CDH12: variants seen among roughly 807,000 people sequenced by gnomAD.
CDH12 encodes cadherin 12.
CDH12 carries 41 observed loss-of-function variants against 74.1 expected under a neutral mutation model. That is an observed-to-expected ratio of 0.55 (90% CI 0.43 to 0.72). The LOEUF (loss-of-function observed/expected upper bound fraction) is 0.72. Ranked by LOEUF, CDH12 falls within the 30% of genes least tolerant of loss-of-function variation. The pLI is 0.00. For synonymous variants in CDH12, 399 were observed against 355.0 expected, an observed-to-expected ratio of 1.12 and a Z score of -1.39; for missense variants, 945 against 977.2, an observed-to-expected ratio of 0.97 and a Z score of 0.44.
chr5:22,819,068 C>A (rs1749537228), intron 1 of CDH12, among the ~76,000 whole-genome samples: 1 of 152,214 alleles, frequency 6.6e-6, no homozygotes, highest in Non-Finnish European at 1.5e-5. Context: ...ATTAAAAAAT[C>A]TGAAAAATGA....
chr5:22,628,558 A>G (rs1738417361), intron 1 of CDH12, among the ~76,000 whole-genome samples: 1 of 152,176 alleles, frequency 6.6e-6, no homozygotes, highest in South Asian at 2.1e-4. Context: ...AATGACAACA[A>G]AGACACAACA....
At chr5:21,809,832 G>C (rs1747650119) in intron 9 of CDH12, among the ~76,000 whole-genome samples, 1 of 152,066 alleles carries the variant, frequency 6.6e-6, no homozygotes, top group Non-Finnish European at 1.5e-5. Flanking sequence ...GGAATGAGTT[G>C]TATTTTCAAT....
intron 1 of CDH12, among the ~76,000 whole-genome samples, chr5:22,620,906 G>A (rs1172006138): frequency 6.6e-6 from 1 of 152,156 alleles, no homozygotes; most frequent in Non-Finnish European, 1.5e-5. Flanking sequence ...CAAATGAAAT[G>A]CATTCATTTC....
chr5:22,571,933 A>T (rs548348255), intron 1 of CDH12, among the ~76,000 whole-genome samples: 4 of 152,306 alleles, frequency 2.6e-5, no homozygotes, highest in South Asian at 2.1e-4. Flanking sequence ...AATAGTATTT[A>T]AAAAGTTTGA....
intron 1 of CDH12, among the ~76,000 whole-genome samples, chr5:22,840,826 A>G (rs2126521725): frequency 1.3e-5 from 2 of 152,310 alleles, no homozygotes. Flanking sequence ...AGGGGGATTC[A>G]AACAGAGGCT....
intron 1 of CDH12, among the ~76,000 whole-genome samples, chr5:22,572,320 G>T (rs1739581772): frequency 6.6e-6 from 1 of 151,952 alleles, no homozygotes; most frequent in Admixed American, 6.6e-5. Flanking sequence ...GACTACTGGT[G>T]GGTCAATATT....
At chr5:22,531,344 C>A (rs1737574676) in intron 1 of CDH12, among the ~76,000 whole-genome samples, 1 of 152,060 alleles carries the variant, frequency 6.6e-6, no homozygotes, top group African/African-American at 2.4e-5. Flanking sequence ...TCAGTGTTTT[C>A]CATGTTATGG....
chr5:22,202,001 T>C (rs1410582310), intron 4 of CDH12, among the ~76,000 whole-genome samples: 2 of 152,078 alleles, frequency 1.3e-5, no homozygotes, highest in South Asian at 2.1e-4. Context: ...ATTCCTAACT[T>C]GACACATTGG....
At chr5:22,225,334 G>A (rs1236200940) in intron 3 of CDH12, among the ~76,000 whole-genome samples, 1 of 152,050 alleles carries the variant, frequency 6.6e-6, no homozygotes, top group Non-Finnish European at 1.5e-5. Flanking sequence ...TTTGTATTCA[G>A]ATATAAAGGG....
At chr5:21,839,967 A>AAC (rs1749749169) in intron 8 of CDH12, among the ~76,000 whole-genome samples, 1 of 152,184 alleles carries the variant, frequency 6.6e-6, no homozygotes, top group South Asian at 2.1e-4. Flanking sequence ...TTCAACAAGA[A>AAC]ACACAGAGTT....
At chr5:22,125,610 T>C (rs1745811053) in intron 4 of CDH12, among the ~76,000 whole-genome samples, 1 of 152,154 alleles carries the variant, frequency 6.6e-6, no homozygotes, top group South Asian at 2.1e-4. Context: ...AGTCAATGGC[T>C]CATCTTAGAC....
intron 3 of CDH12, among the ~76,000 whole-genome samples, chr5:22,317,723 G>C (rs1456027010): frequency 6.6e-6 from 1 of 152,090 alleles, no homozygotes; most frequent in African/African-American, 2.4e-5. Context: ...AATACTTCTT[G>C]CTCATGTCAT....
chr5:22,721,368 G>A (rs552419774), intron 1 of CDH12, among the ~76,000 whole-genome samples: 18 of 152,334 alleles, frequency 1.2e-4, no homozygotes, highest in South Asian at 4.1e-4. Context: ...GCTCTATTTC[G>A]GATTTGCATG....
At chr5:21,770,529 A>T (rs1745263814) in intron 11 of CDH12, among the ~76,000 whole-genome samples, 1 of 151,800 alleles carries the variant, frequency 6.6e-6, no homozygotes, top group African/African-American at 2.4e-5. Flanking sequence ...GAGGCAGGAG[A>T]ATCTCTTGAA....
intron 5 of CDH12, among the ~76,000 whole-genome samples, chr5:21,996,677 T>C (rs1305354840): frequency 6.6e-6 from 1 of 152,178 alleles, no homozygotes; most frequent in East Asian, 1.9e-4. Flanking sequence ...TAAATCAAAA[T>C]ATTATGTTCC....
intron 1 of CDH12, among the ~76,000 whole-genome samples, chr5:22,532,350 G>GATACATATATATATATAT (rs1737621551): frequency 3.6e-5 from 1 of 27,576 alleles, no homozygotes; most frequent in African/African-American, 1.5e-4. Flanking sequence ...ATATAAATAG[G>GATACATATATATATATAT]ATATATATAT....
intron 1 of CDH12, among the ~76,000 whole-genome samples, chr5:22,666,436 C>A (rs1181845171): frequency 6.6e-6 from 1 of 151,710 alleles, no homozygotes; most frequent in Admixed American, 6.6e-5. Context: ...ACTACAGGCG[C>A]CCGCCACTAC....
chr5:22,367,218 A>T (rs571609553), intron 3 of CDH12, among the ~76,000 whole-genome samples: 3 of 152,228 alleles, frequency 2.0e-5, no homozygotes, highest in Admixed American at 2.0e-4. Flanking sequence ...TTTGCTCCAG[A>T]TACCTAGTGA....
At chr5:22,673,160 A>G (rs1351980014) in intron 1 of CDH12, among the ~76,000 whole-genome samples, 1 of 152,180 alleles carries the variant, frequency 6.6e-6, no homozygotes, top group Non-Finnish European at 1.5e-5. Flanking sequence ...TATGAAACAC[A>G]TAATTGATTT....
Sources: allele counts gnomAD v4.1 joint callset (sites outside exome capture counted in the v4.1 genomes callset), GRCh38; gene constraint gnomAD v4.1.1; transcripts MANE v1.5; gene names NCBI Gene and HGNC (gene_info 2026-07-23, HGNC 2026-07-21).